RAB27A: variants seen among roughly 807,000 people sequenced by gnomAD.
RAB27A encodes RAB27A, member RAS oncogene family.
Under a neutral mutation model 20.8 loss-of-function variants are expected in RAB27A, and 17 were observed. The ratio of observed to expected loss-of-function variants is 0.82; its 90% CI spans 0.56 to 1.23. The LOEUF (loss-of-function observed/expected upper bound fraction) is 1.23. RAB27A is among the 50% of genes most tolerant of loss of function. RAB27A has a pLI of 0.00. For missense variants in RAB27A, 277 were observed against 266.7 expected, an observed-to-expected ratio of 1.04 and a Z score of -0.27; for synonymous variants, 85 against 92.8, an observed-to-expected ratio of 0.92 and a Z score of 0.48.
intron 2 of RAB27A, among the ~76,000 whole-genome samples, chr15:55,294,879 C>G (rs2054942334): frequency 6.6e-6 from 1 of 151,944 alleles, no homozygotes; most frequent in Non-Finnish European, 1.5e-5. Flanking sequence ...TAAAAGCACA[C>G]TATCAACAGA....
At chr15:55,216,438 C>T (rs548295711) in intron 6 of RAB27A, among the ~76,000 whole-genome samples, 7 of 151,860 alleles carry the variant, frequency 4.6e-5, no homozygotes, top group South Asian at 4.2e-4. Context: ...GAGGCTGAGA[C>T]GGGAGATCTC....
At position 55,273,388 on chromosome 15, in the gene RAB27A, G is replaced by A. The variant is rs1426909613; in HGVS notation, c.-142-3104C>T. ...CGCGCCACTGCACTCCAGCCTGGGC[G>A]ACAGAGCGAGACTCCATCTCAAAAA... is the stretch of plus-strand genomic sequence containing the variant. On this transcript the variant is annotated intron_variant, in intron 1 of 6. Transcript: ENST00000336787. 1.0e-4 allele frequency among the ~76,000 whole-genome samples: 15 copies of A among 146,030 alleles called. 1 individual carries two copies. Among genetic ancestry groups the A allele is most frequent in the South Asian group, 8.5e-4 (4 of 4,702 alleles).
At chr15:55,314,175 A>AAG (rs1249235562) in intron 1 of RAB27A, 1 of 151,048 alleles carries the variant, frequency 6.6e-6, no homozygotes, top group East Asian at 1.9e-4. Flanking sequence ...AAAAAAAAAA[A>AAG]AAAAAAATTA....
At chr15:55,214,186 C>T (rs1895158073) in intron 6 of RAB27A, among the ~76,000 whole-genome samples, 1 of 152,220 alleles carries the variant, frequency 6.6e-6, no homozygotes, top group Non-Finnish European at 1.5e-5. Flanking sequence ...CCTGTAATCC[C>T]AGCACTTTGG....
intron 1 of RAB27A, chr15:55,317,530 G>C (rs1399334793): frequency 8.4e-6 from 3 of 356,462 alleles, no homozygotes; most frequent in South Asian, 1.5e-4. Flanking sequence ...GGTCAGGCTG[G>C]TCTTGAACTC....
intron 1 of RAB27A, among the ~76,000 whole-genome samples, chr15:55,318,132 C>G (rs2141151408): frequency 6.9e-6 from 1 of 144,324 alleles, no homozygotes; most frequent in East Asian, 2.1e-4. Context: ...GAGTCTCGCT[C>G]TGTCGCCCAG....
At chr15:55,212,332 A>C (rs1047750663) in intron 6 of RAB27A, among the ~76,000 whole-genome samples, 4 of 152,160 alleles carry the variant, frequency 2.6e-5, no homozygotes, top group Non-Finnish European at 5.9e-5. Flanking sequence ...TACTGGTTCC[A>C]AACTAGTATG....
intron 6 of RAB27A, among the ~76,000 whole-genome samples, chr15:55,216,622 T>G (rs1895319173): frequency 6.6e-6 from 1 of 152,040 alleles, no homozygotes; most frequent in African/African-American, 2.4e-5. Context: ...ATCTGTGTGT[T>G]GTGTGAAAAA....
exon 1 of RAB27A, chr15:55,319,098 A>C: frequency 1.1e-6 from 1 of 873,820 alleles, no homozygotes; most frequent in Admixed American, 3.2e-5. Context: ...AACCGCAAGG[A>C]GGCCACCACG....
rs1338258435 is a variant in RAB27A, at chr15:55,223,961, C to A, written c.395G>T (p.Gly132Val). The A allele has an allele frequency of 6.2e-7, 1 of 1,611,288 alleles. No homozygotes were observed. Among genetic ancestry groups the A allele is most frequent in the African/African-American group, 1.3e-5 (1 of 74,970 alleles). Reference sequence around the variant, plus strand: ...CTGGTCCTCCAGATCACTCTTGTTTCCACACAGCACTATATCTGGGTTTTC... The same window carrying A: ...CTGGTCCTCCAGATCACTCTTGTTTACACACAGCACTATATCTGGGTTTTC... ...YCENPDIVLC[G>V]NKSDLEDQRV... Residue 132 changes from glycine to valine, a missense_variant, in exon 6 of 7, where the codon GGA (glycine) becomes GTA (valine). By Grantham distance (109) the Gly-to-Val change is moderately radical. Coordinates refer to ENST00000336787, the MANE Select transcript of RAB27A (RefSeq NM_183235.3).
intron 1 of RAB27A, among the ~76,000 whole-genome samples, chr15:55,315,196 C>A (rs2055037526): frequency 1.3e-5 from 2 of 152,172 alleles, no homozygotes; most frequent in South Asian, 4.1e-4. Context: ...GCTGGGAAAA[C>A]TGGCTAGCCA....
intron 6 of RAB27A, among the ~76,000 whole-genome samples, chr15:55,222,238 A>C (rs1566904775): frequency 6.6e-6 from 1 of 152,236 alleles, no homozygotes; most frequent in Non-Finnish European, 1.5e-5. Flanking sequence ...CATCTGCCCT[A>C]GGGTAAAAAC....
chr15:55,250,088 T>G (rs1448111792), intron 2 of RAB27A, among the ~76,000 whole-genome samples: 1 of 152,020 alleles, frequency 6.6e-6, no homozygotes, highest in Non-Finnish European at 1.5e-5. Context: ...TCAGCCTCCC[T>G]AGTGGCTGCG....
intron 6 of RAB27A, among the ~76,000 whole-genome samples, chr15:55,216,912 ACG>A (rs1343237213): frequency 6.6e-6 from 1 of 152,188 alleles, no homozygotes; most frequent in Non-Finnish European, 1.5e-5. Flanking sequence ...ATTAATACTG[ACG>A]TATAAATGAT....
rs951715348 is a variant in RAB27A at position 55,265,174 on chromosome 15, G to A, written c.-23+4991C>T. On this transcript the variant is annotated intron_variant, in intron 2 of 6. Transcript: ENST00000336787. ...GGAGAAACATTTGAACCCAGGAGGC[G>A]GAGGTTGCAGCCAGCCGAGATCGCA... Among the ~76,000 whole-genome samples the A allele has an allele frequency of 5.9e-5, 9 of 152,228 alleles. No individual in the cohort carries two copies. In the South Asian group the frequency reaches 8.3e-4, roughly 14 times the overall value.
At chr15:55,273,409 A>G (rs1897764154) in intron 1 of RAB27A, among the ~76,000 whole-genome samples, 1 of 132,234 alleles carries the variant, frequency 7.6e-6, no homozygotes, top group African/African-American at 3.7e-5. Flanking sequence ...ACTCCATCTC[A>G]AAAAAAAAAA....
At chr15:55,299,346 C>T (rs573103514) in intron 2 of RAB27A, among the ~76,000 whole-genome samples, 3 of 152,206 alleles carry the variant, frequency 2.0e-5, no homozygotes, top group Non-Finnish European at 4.4e-5. Context: ...GTAATCCCAG[C>T]ACTCTGGGAG....
intron 2 of RAB27A, among the ~76,000 whole-genome samples, chr15:55,258,674 CTTG>C (rs1897169784): frequency 1.3e-5 from 2 of 152,226 alleles, no homozygotes; most frequent in South Asian, 2.1e-4. Context: ...ACATTTGGTG[CTTG>C]TTGTCAGACT....
intron 2 of RAB27A, among the ~76,000 whole-genome samples, chr15:55,313,810 A>G (rs1450000830): frequency 2.0e-5 from 3 of 152,026 alleles, no homozygotes; most frequent in Non-Finnish European, 4.4e-5. Flanking sequence ...TGTCTCTACT[A>G]AAAATACAAA....
Sources: gnomAD v4.1 joint callset for allele counts (sites outside exome capture counted in the v4.1 genomes callset) on GRCh38, gnomAD v4.1.1 for gene constraint, MANE v1.5 for transcripts, NCBI Gene and HGNC (gene_info 2026-07-23, HGNC 2026-07-21) for gene names.